ANKRD31: variants seen among roughly 807,000 people sequenced by gnomAD.
ANKRD31 encodes the protein ankyrin repeat domain-containing protein 31.
In ANKRD31, 147 loss-of-function variants were observed where a neutral mutation model predicts 186.0. That is an observed-to-expected ratio of 0.79 (90% CI 0.69 to 0.91). ANKRD31 has a LOEUF of 0.91. Ranked by LOEUF, ANKRD31 falls within the 40% of genes least tolerant of loss-of-function variation. The probability of loss-of-function intolerance (pLI) is 0.00; values close to 1 mark genes in which losing one functional copy is unlikely to be tolerated. For synonymous variants in ANKRD31, 673 were observed against 736.4 expected (o/e 0.91, Z 1.39); for missense variants, 1,986 against 2,148.8 (o/e 0.92, Z 1.50).
chr5:75,173,761 C>T (rs1367479257), intron 10 of ANKRD31, among the ~76,000 whole-genome samples: 3 of 152,196 alleles, frequency 2.0e-5, no homozygotes, highest in African/African-American at 7.2e-5. Flanking sequence ...ACATTCCATG[C>T]TCATGGATAC....
intron 12 of ANKRD31, among the ~76,000 whole-genome samples, chr5:75,150,795 T>G (rs1262621447): frequency 6.6e-6 from 1 of 152,018 alleles, no homozygotes; most frequent in Non-Finnish European, 1.5e-5. Context: ...TTAAGCAGAT[T>G]ATCAAAGCAA....
At chr5:75,192,563 T>G (rs1755184215) in intron 9 of ANKRD31, 104 bp downstream of exon 9, 2 of 896,072 alleles carry the variant, frequency 2.2e-6, no homozygotes, top group Non-Finnish European at 3.3e-6. Flanking sequence ...AAATTCAGTT[T>G]CCTCATCAGC....
chr5:75,178,295 A>G lies in ANKRD31; in HGVS notation c.1565-9174T>C, dbSNP rs902330552. 3.9e-5 allele frequency among the ~76,000 whole-genome samples: 6 copies of G among 152,202 alleles called. No individual in the cohort carries two copies. The South Asian group carries it at 1.2e-3, about 32-fold the overall frequency. On this transcript the variant is annotated intron_variant, in intron 10 of 25. Coordinates refer to ENST00000506364, the MANE Select transcript of ANKRD31 (RefSeq NM_001372053.1). ...CACACATTAATAATGGGAGACTTTA[A>G]CACCCCACTGTCAACATTAGACAGA...
intron 17 of ANKRD31, among the ~76,000 whole-genome samples, chr5:75,132,837 C>T (rs1467533440): frequency 6.6e-6 from 1 of 152,090 alleles, no homozygotes; most frequent in Admixed American, 6.6e-5. Flanking sequence ...ACTCTACAAG[C>T]CAGAAGAGAG....
At chr5:75,105,265 C>T (rs1321163962) in intron 21 of ANKRD31, 47 bp from the exon 22 acceptor site, 2 of 1,431,198 alleles carry the variant, frequency 1.4e-6, no homozygotes, top group African/African-American at 1.4e-5. Context: ...CAGCAGAAAA[C>T]TTTTCAAAGC....
chr5:75,221,390 C>T (rs1343817250), intron 3 of ANKRD31, among the ~76,000 whole-genome samples: 1 of 152,164 alleles, frequency 6.6e-6, no homozygotes, highest in Non-Finnish European at 1.5e-5. Context: ...TATACATACA[C>T]TCACACACAT....
Sources: gnomAD v4.1 joint callset for allele counts (sites outside exome capture counted in the v4.1 genomes callset) on GRCh38, gnomAD v4.1.1 for gene constraint, MANE v1.5 for transcripts, NCBI Gene and HGNC (gene_info 2026-07-23, HGNC 2026-07-21) for gene names.